Variants in SOHLH2 observed in about 807,000 individuals in gnomAD.
The protein encoded by SOHLH2 is spermatogenesis and oogenesis specific basic helix-loop-helix 2.
SOHLH2 carries 22 observed loss-of-function variants against 50.4 expected under a neutral mutation model. The ratio of observed to expected loss-of-function variants is 0.44; its 90% confidence interval spans 0.31 to 0.62. SOHLH2 has a LOEUF of 0.62. Ranked by LOEUF, SOHLH2 falls within the 20% of genes least tolerant of loss-of-function variation. The pLI is 0.08. For missense variants in SOHLH2, 412 were observed against 504.4 expected, an observed-to-expected ratio of 0.82 and a Z score of 1.76; for synonymous variants, 185 against 187.3, an observed-to-expected ratio of 0.99 and a Z score of 0.10.
intron 1 of SOHLH2, among the ~76,000 whole-genome samples, chr13:36,213,956 CCTA>C (rs973590545): frequency 2.0e-5 from 3 of 151,984 alleles, no homozygotes; most frequent in African/African-American, 7.3e-5. Context: ...CCCCAGAGTG[CCTA>C]CTAAATTGTG....
At chr13:36,192,139 C>G (rs543686262) in intron 4 of SOHLH2, among the ~76,000 whole-genome samples, 1 of 152,306 alleles carries the variant, frequency 6.6e-6, no homozygotes, top group South Asian at 2.1e-4. Flanking sequence ...AGATTCTAGT[C>G]ACTTAGTGAC....
rs183877419 is a variant in SOHLH2, at chr13:36,209,345, C to T, written c.48+5134G>A. ...TTTAGAAGTTTTTTTTTTTTCTATT[C>T]CCTTATGTCCTAGTTTATTCAAGCT... is the stretch of plus-strand genomic sequence containing the variant. On this transcript the variant is annotated intron_variant, in intron 1 of 10. Transcript: ENST00000379881. Among the ~76,000 whole-genome samples the T allele has an allele frequency of 2.7e-4, 40 of 148,710 alleles. No individual in the cohort carries two copies. The East Asian group carries it at 7.3e-3, about 27-fold the overall frequency.
chr13:36,187,119 A>G (rs1470149259), intron 6 of SOHLH2, among the ~76,000 whole-genome samples: 4 of 152,274 alleles, frequency 2.6e-5, no homozygotes, highest in Non-Finnish European at 4.4e-5. Flanking sequence ...AAAGATTTCT[A>G]GTCCTTCAAA....
At chr13:36,188,290 C>T (rs1887481490) in intron 6 of SOHLH2, among the ~76,000 whole-genome samples, 1 of 152,178 alleles carries the variant, frequency 6.6e-6, no homozygotes, top group Non-Finnish European at 1.5e-5. Context: ...TTGTTTCAAG[C>T]CAGTAAATCT....
intron 6 of SOHLH2, among the ~76,000 whole-genome samples, chr13:36,188,523 A>G (rs1049925313): frequency 6.6e-6 from 1 of 152,112 alleles, no homozygotes; most frequent in South Asian, 2.1e-4. Flanking sequence ...AACCATACCA[A>G]TGAAATTATT....
chr13:36,194,980 C>G (rs1887679967), intron 2 of SOHLH2, among the ~76,000 whole-genome samples: 1 of 151,956 alleles, frequency 6.6e-6, no homozygotes, highest in Non-Finnish European at 1.5e-5. Context: ...ATTTATATAT[C>G]TGAGTCATAT....
intron 1 of SOHLH2, among the ~76,000 whole-genome samples, chr13:36,204,343 A>G (rs1483779699): frequency 6.6e-6 from 1 of 152,094 alleles, no homozygotes; most frequent in African/African-American, 2.4e-5. Context: ...GGTGAATTTT[A>G]TCTTGCTTTC....
chr13:36,204,203 G>A (rs1868611559), intron 1 of SOHLH2, among the ~76,000 whole-genome samples: 1 of 151,952 alleles, frequency 6.6e-6, no homozygotes, highest in Non-Finnish European at 1.5e-5. Context: ...CGCCCACCTT[G>A]GCCTCCCAAA....
At chr13:36,199,402 G>A (rs928818882) in intron 2 of SOHLH2, among the ~76,000 whole-genome samples, 6 of 152,234 alleles carry the variant, frequency 3.9e-5, no homozygotes, top group Non-Finnish European at 7.4e-5. Flanking sequence ...CTAGGATGGC[G>A]CTTCTCCCAC....
chr13:36,174,767 A>G lies in SOHLH2; in HGVS notation c.744T>C (p.Tyr248=). 6.2e-7 allele frequency: 1 copy of G among 1,612,170 alleles called. No individual in the cohort carries two copies. The highest frequency in any genetic ancestry group is 8.5e-7 in the Non-Finnish European group (1 of 1,179,460). ...AASVLEATVD[Y]VKYIREKISP... ...AGATTTTCTCCCGGATATATTTCAC[A>G]TAATCAACTGTTGCCTCAAGAACTG... The change falls in exon 7 of 11, where the codon TAT becomes TAC. Residue 248 remains tyrosine (Y), a synonymous_variant. Coordinates refer to ENST00000379881, the MANE Select transcript of SOHLH2 (RefSeq NM_017826.3).
intron 1 of SOHLH2, among the ~76,000 whole-genome samples, chr13:36,202,511 G>A (rs2138319979): frequency 6.6e-6 from 1 of 152,190 alleles, no homozygotes; most frequent in East Asian, 1.9e-4. Flanking sequence ...CACATTCCAG[G>A]GAACAGAGAA....
At chr13:36,181,917 G>GT in intron 6 of SOHLH2, 2 of 601,656 alleles carry the variant, frequency 3.3e-6, no homozygotes, top group Non-Finnish European at 4.2e-6. Flanking sequence ...TATCTTACAT[G>GT]AAGATAAAGG....
At chr13:36,207,979 T>A (rs1868884958) in intron 1 of SOHLH2, among the ~76,000 whole-genome samples, 1 of 152,184 alleles carries the variant, frequency 6.6e-6, no homozygotes, top group African/African-American at 2.4e-5. Flanking sequence ...TTAAGTCACT[T>A]GTTTATCCTT....
At chr13:36,196,151 G>A (rs1368408786) in intron 2 of SOHLH2, among the ~76,000 whole-genome samples, 3 of 144,696 alleles carry the variant, frequency 2.1e-5, no homozygotes, top group Admixed American at 6.8e-5. Context: ...TTTGAGACAA[G>A]GTCTTGCTTT....
intron 10 of SOHLH2, 45 bp from the exon 11 acceptor site, chr13:36,169,099 A>C: frequency 4.4e-6 from 7 of 1,583,766 alleles, no homozygotes; most frequent in Non-Finnish European, 6.0e-6. Flanking sequence ...ATCCTCACCC[A>C]CTCTTACTCA....
intron 6 of SOHLH2, among the ~76,000 whole-genome samples, chr13:36,184,957 T>C (rs1446658040): frequency 6.6e-6 from 1 of 152,014 alleles, no homozygotes; most frequent in African/African-American, 2.4e-5. Context: ...GTGTGCAATA[T>C]TCCCCTCCCT....
intron 2 of SOHLH2, among the ~76,000 whole-genome samples, chr13:36,194,485 T>A (rs2138303684): frequency 6.6e-6 from 1 of 152,284 alleles, no homozygotes; most frequent in East Asian, 1.9e-4. Context: ...CTTAAAATAA[T>A]CCACTGGTGG....
Position 36,168,274 on chromosome 13 carries a change from A to C in SOHLH2, c.*760T>G, listed in dbSNP as rs1191141096. On this transcript the variant is annotated 3_prime_UTR_variant, in exon 11 of 11. Coordinates refer to ENST00000379881, the MANE Select transcript of SOHLH2 (RefSeq NM_017826.3). ...TAAAACTTACATATAAGAACAATTC[A>C]GTGAAATATAAAACAAACCTTTTTC... 1 of 152,314 alleles carries C rather than the reference A, an allele frequency of 6.6e-6. No homozygotes were observed. The highest frequency in any genetic ancestry group is 1.5e-5 in the Non-Finnish European group (1 of 68,040). The allele number at this position is 152,314 out of a possible 1,614,324, so 9.4% of individuals were successfully genotyped here. A position where few individuals can be genotyped will look rare whatever the true frequency, so the allele number is the denominator to read the frequency against.
At chr13:36,199,844 T>C (rs1176361318) in intron 2 of SOHLH2, among the ~76,000 whole-genome samples, 5 of 152,346 alleles carry the variant, frequency 3.3e-5, no homozygotes, top group Admixed American at 3.3e-4. Flanking sequence ...CTTTACTCCA[T>C]TCAGAGAGGC....
Sources: allele counts gnomAD v4.1 joint callset (sites outside exome capture counted in the v4.1 genomes callset), GRCh38; gene constraint gnomAD v4.1.1; transcripts MANE v1.5; gene names NCBI Gene and HGNC (gene_info 2026-07-23, HGNC 2026-07-21).